The following CADM1 variants were observed in gnomAD, a reference collection of about 807,000 sequenced individuals.
CADM1 encodes cell adhesion molecule 1.
Under a neutral mutation model 53.1 loss-of-function variants are expected in CADM1, and 15 were observed. The ratio of observed to expected loss-of-function variants is 0.28; its 90% confidence interval spans 0.19 to 0.44. CADM1 has a LOEUF of 0.44. CADM1 is among the 20% of genes least tolerant of loss of function. The pLI, the probability that CADM1 is intolerant of heterozygous loss-of-function variation, is 1.00. For missense variants in CADM1, 434 were observed against 611.3 expected (o/e 0.71, Z 3.06); for synonymous variants, 281 against 243.0 (o/e 1.16, Z -1.45).
At chr11:115,368,279 T>G (rs1946223800) in intron 1 of CADM1, among the ~76,000 whole-genome samples, 1 of 152,154 alleles carries the variant, frequency 6.6e-6, no homozygotes, top group Admixed American at 6.5e-5. Flanking sequence ...GGGGTTGTGA[T>G]CTCCATAGCA....
At chr11:115,391,529 G>A (rs1946835750) in intron 1 of CADM1, among the ~76,000 whole-genome samples, 1 of 152,186 alleles carries the variant, frequency 6.6e-6, no homozygotes, top group African/African-American at 2.4e-5. Flanking sequence ...GAAATAAAAG[G>A]AGAAGGAGGA....
chr11:115,496,554 C>G (rs770709031), intron 1 of CADM1, among the ~76,000 whole-genome samples: 15 of 152,066 alleles, frequency 9.9e-5, no homozygotes, highest in Non-Finnish European at 1.9e-4. Flanking sequence ...AAAGACAAAA[C>G]AGTGTGGAGT....
rs1939034534 is a variant in CADM1, at chr11:115,176,471, G to A, written c.*3C>T. ...GACACCTCATTGAAACAAAAAGGCT[G>A]ATCTAGATGAAGTACTCTTTCTTTT... On this transcript the variant is annotated 3_prime_UTR_variant, in exon 12 of 12. Coordinates refer to ENST00000331581, the MANE Select transcript of CADM1 (RefSeq NM_001301043.2). The A allele has an allele frequency of 6.2e-7, 1 of 1,613,804 alleles. No homozygotes were observed. The highest frequency in any genetic ancestry group is 8.5e-7 in the Non-Finnish European group (1 of 1,179,772).
intron 8 of CADM1, 59 bp from the exon 9 acceptor site, chr11:115,198,497 A>G: frequency 7.0e-7 from 1 of 1,420,266 alleles, no homozygotes; most frequent in Admixed American, 1.8e-5. Context: ...GGCATGCAAA[A>G]AAAGGGAAAA....
intron 3 of CADM1, among the ~76,000 whole-genome samples, chr11:115,232,595 G>A (rs575923324): frequency 2.2e-4 from 34 of 152,184 alleles, no homozygotes; most frequent in African/African-American, 7.2e-4. Flanking sequence ...TCAAAATAAC[G>A]GATTGGGAAG....
chr11:115,228,070 G>A (rs1048405360), intron 5 of CADM1, among the ~76,000 whole-genome samples: 1 of 152,200 alleles, frequency 6.6e-6, no homozygotes, highest in African/African-American at 2.4e-5. Context: ...ACCCACAGAG[G>A]AGAGGGGAAG....
In CADM1 at chr11:115,356,917, A is replaced by G. The variant is rs1206385261; in HGVS notation, c.125-116497T>C. On this transcript the variant is annotated intron_variant, in intron 1 of 11. Transcript: ENST00000331581. ...TATTCTACAATTCTTATAAGATAGC[A>G]TTATAACCAAAAGGGAAGACTAAAG... 2.6e-5 allele frequency among the ~76,000 whole-genome samples: 4 copies of G among 152,206 alleles called. No individual in the cohort carries two copies. The East Asian group carries it at 7.7e-4, about 29-fold the overall frequency.
intron 1 of CADM1, among the ~76,000 whole-genome samples, chr11:115,324,375 G>T (rs905318817): frequency 1.3e-5 from 2 of 152,156 alleles, no homozygotes; most frequent in African/African-American, 4.8e-5. Flanking sequence ...TAAAAATGAT[G>T]ATTTTGGTGC....
intron 1 of CADM1, among the ~76,000 whole-genome samples, chr11:115,432,107 T>C (rs1369562103): frequency 1.3e-5 from 2 of 151,838 alleles, no homozygotes; most frequent in Non-Finnish European, 2.9e-5. Context: ...CCACCACACC[T>C]GGCTAATTTT....
intron 1 of CADM1, among the ~76,000 whole-genome samples, chr11:115,422,625 C>T (rs1947785132): frequency 1.3e-5 from 2 of 152,204 alleles, no homozygotes; most frequent in Admixed American, 1.3e-4. Flanking sequence ...CCATAACCTA[C>T]ATTTCTGGAT....
chr11:115,267,664 C>A (rs1943179714), intron 1 of CADM1, among the ~76,000 whole-genome samples: 1 of 148,894 alleles, frequency 6.7e-6, no homozygotes, highest in Admixed American at 6.8e-5. Flanking sequence ...CACAAACTAA[C>A]CTAAAATTGC....
intron 8 of CADM1, among the ~76,000 whole-genome samples, chr11:115,201,336 A>G (rs963022961): frequency 2.6e-5 from 4 of 152,220 alleles, no homozygotes; most frequent in Non-Finnish European, 5.9e-5. Context: ...ATTTTCAAGT[A>G]AAGAATTAAG....
intron 1 of CADM1, among the ~76,000 whole-genome samples, chr11:115,380,442 G>T (rs1214492383): frequency 6.6e-6 from 1 of 152,174 alleles, no homozygotes; most frequent in Non-Finnish European, 1.5e-5. Context: ...ACGCTATCCA[G>T]CTGAATGAAA....
At chr11:115,411,779 G>A (rs1947465816) in intron 1 of CADM1, among the ~76,000 whole-genome samples, 1 of 151,850 alleles carries the variant, frequency 6.6e-6, no homozygotes, top group Non-Finnish European at 1.5e-5. Flanking sequence ...TACCCTCACT[G>A]GTAAGCTGGA....
chr11:115,181,610 G>A (rs1210415255), intron 10 of CADM1, among the ~76,000 whole-genome samples: 3 of 152,148 alleles, frequency 2.0e-5, no homozygotes, highest in South Asian at 2.1e-4. Flanking sequence ...GCGCCTCACC[G>A]CCTCTTCCCA....
At chr11:115,414,514 AT>A (rs1304659465) in intron 1 of CADM1, among the ~76,000 whole-genome samples, 2 of 152,170 alleles carry the variant, frequency 1.3e-5, no homozygotes, top group South Asian at 2.1e-4. Context: ...TTAAAAAAAA[AT>A]AATAAATAAT....
At chr11:115,414,834 AAAGGTATTCCTC>A (rs1947553312) in intron 1 of CADM1, among the ~76,000 whole-genome samples, 1 of 130 alleles carries the variant, frequency 7.7e-3, no homozygotes, top group African/African-American at 0.028. Context: ...GTTAAATATA[AAAGGTATTCCTC>A]ATTATTAGTT....
At chr11:115,390,389 G>A (rs1946805252) in intron 1 of CADM1, among the ~76,000 whole-genome samples, 1 of 151,838 alleles carries the variant, frequency 6.6e-6, no homozygotes, top group Non-Finnish European at 1.5e-5. Flanking sequence ...GGGCAGGGAG[G>A]AGAGGGAGGA....
intron 1 of CADM1, among the ~76,000 whole-genome samples, chr11:115,380,305 G>T (rs1242203800): frequency 6.6e-6 from 1 of 152,254 alleles, no homozygotes; most frequent in South Asian, 2.1e-4. Flanking sequence ...TCTGATTTTT[G>T]AACTCAAGCA....
Sources: allele counts gnomAD v4.1 joint callset (sites outside exome capture counted in the v4.1 genomes callset), GRCh38; gene constraint gnomAD v4.1.1; transcripts MANE v1.5; gene names NCBI Gene and HGNC (gene_info 2026-07-23, HGNC 2026-07-21).